Variants in RGS22 observed in about 807,000 individuals in gnomAD.
RGS22 encodes regulator of G-protein signaling 22.
RGS22 carries 148 observed loss-of-function variants against 172.9 expected under a neutral mutation model. The observed-to-expected ratio is 0.86, with a 90% CI of 0.75 to 0.98. RGS22 has a LOEUF of 0.98. Ranked by LOEUF, RGS22 falls within the 50% of genes least tolerant of loss-of-function variation. RGS22 has a pLI of 0.00. For synonymous variants in RGS22, 458 were observed against 480.2 expected (o/e 0.95, Z 0.60); for missense variants, 1,347 against 1,440.8 (o/e 0.93, Z 1.05).
intron 20 of RGS22, among the ~76,000 whole-genome samples, chr8:99,993,774 C>T (rs757292886): frequency 6.6e-6 from 1 of 152,142 alleles, no homozygotes; most frequent in Non-Finnish European, 1.5e-5. Flanking sequence ...ATGAGGCCAA[C>T]GTCATCCTGA....
At chr8:99,980,496 G>A (rs1812435840) in intron 22 of RGS22, among the ~76,000 whole-genome samples, 2 of 152,180 alleles carry the variant, frequency 1.3e-5, no homozygotes, top group African/African-American at 4.8e-5. Flanking sequence ...GGGAAGACAT[G>A]GAGATGGCCA....
chr8:99,974,104 T>C (rs748245507), intron 23 of RGS22, among the ~76,000 whole-genome samples: 1 of 152,180 alleles, frequency 6.6e-6, no homozygotes, highest in Non-Finnish European at 1.5e-5. Flanking sequence ...ATAGAATAAT[T>C]TGTATCTTTT....
chr8:100,006,572 G>C (rs1272807858), intron 15 of RGS22, among the ~76,000 whole-genome samples: 1 of 152,140 alleles, frequency 6.6e-6, no homozygotes, highest in African/African-American at 2.4e-5. Context: ...CCTCATAGCA[G>C]GTCTCTGTCT....
chr8:99,963,722 C>T (rs114519656), intron 24 of RGS22, among the ~76,000 whole-genome samples: 1,770 of 152,112 alleles, frequency 0.012, 44 homozygotes, highest in African/African-American at 0.041. Context: ...AGAGATGATT[C>T]GAAGTATATG....
chr8:99,965,155 G>A (rs1016877538), intron 24 of RGS22, among the ~76,000 whole-genome samples, 180 bp downstream of exon 24: 1 of 151,958 alleles, frequency 6.6e-6, no homozygotes, highest in African/African-American at 2.4e-5. Context: ...AAACTATCTG[G>A]GATTGGCTGA....
intron 10 of RGS22, among the ~76,000 whole-genome samples, chr8:100,049,330 A>G (rs1177585553): frequency 1.3e-5 from 2 of 152,208 alleles, no homozygotes; most frequent in African/African-American, 4.8e-5. Flanking sequence ...GAAAAATAAA[A>G]TGGAATTGAG....
chr8:100,054,569 G>A (rs1235960746), intron 9 of RGS22: 2 of 153,388 alleles, frequency 1.3e-5, no homozygotes, highest in African/African-American at 4.8e-5. Context: ...AATCCAGCCT[G>A]ACTGACAAAG....
At chr8:100,060,811 A>G (rs1563684882) in intron 9 of RGS22, among the ~76,000 whole-genome samples, 1 of 152,160 alleles carries the variant, frequency 6.6e-6, no homozygotes, top group African/African-American at 2.4e-5. Context: ...AGAACTAGAA[A>G]AAACTATTTT....
chr8:100,065,110 A>G (rs1211398650), intron 7 of RGS22, among the ~76,000 whole-genome samples: 2 of 152,346 alleles, frequency 1.3e-5, no homozygotes, highest in East Asian at 1.9e-4. Flanking sequence ...CCCATTCTCA[A>G]TGACCATTTT....
chr8:100,012,103 A>AT (rs1461372291), intron 14 of RGS22, among the ~76,000 whole-genome samples: 2 of 151,592 alleles, frequency 1.3e-5, no homozygotes, highest in Admixed American at 6.6e-5. Context: ...TATATATTAT[A>AT]TATATATATG....
intron 2 of RGS22, among the ~76,000 whole-genome samples, chr8:100,094,995 C>A (rs921701173): frequency 6.6e-6 from 1 of 152,180 alleles, no homozygotes; most frequent in African/African-American, 2.4e-5. Context: ...CTAAAGTATA[C>A]ATTTCATTTT....
chr8:100,103,131 G>T (rs190754527), intron 2 of RGS22, among the ~76,000 whole-genome samples: 81 of 152,320 alleles, frequency 5.3e-4, no homozygotes, highest in Admixed American at 4.4e-3. Flanking sequence ...GATAGCCAGG[G>T]TAAGAGTGAT....
At chr8:100,013,242 G>A (rs1228559655) in intron 14 of RGS22, among the ~76,000 whole-genome samples, 1 of 152,030 alleles carries the variant, frequency 6.6e-6, no homozygotes, top group East Asian at 1.9e-4. Context: ...GCCCGCCTCG[G>A]CCTCCCAAAG....
intron 22 of RGS22, among the ~76,000 whole-genome samples, chr8:99,981,515 T>G (rs911730747): frequency 6.6e-6 from 1 of 152,204 alleles, no homozygotes; most frequent in African/African-American, 2.4e-5. Flanking sequence ...AGCCAAAAGG[T>G]AATATTTAAT....
At chr8:99,962,181 G>A (rs1810272655) in intron 27 of RGS22, among the ~76,000 whole-genome samples, 1 of 152,092 alleles carries the variant, frequency 6.6e-6, no homozygotes, top group South Asian at 2.1e-4. Context: ...CAGACAAGGA[G>A]TAAATAAAAG....
chr8:100,083,131 T>C (rs1037708439), intron 3 of RGS22, among the ~76,000 whole-genome samples: 2 of 152,194 alleles, frequency 1.3e-5, no homozygotes, highest in African/African-American at 4.8e-5. Flanking sequence ...TTTAGAAAGG[T>C]TCTGGAGCAG....
rs1469179749 is a variant in RGS22, at chr8:100,072,123, TA to T, written c.425+21del. On this transcript the variant is annotated intron_variant, in intron 5 of 27. Transcript: ENST00000360863. ...TAATATATATGTATTTAAAAATACA[TA>T]TATTGATGGGACTATAGTACCTGTA... The T allele has an allele frequency of 3.0e-5, 42 of 1,395,872 alleles. No individual in the cohort carries two copies. In the Admixed American group the frequency reaches 8.1e-4, roughly 27 times the overall value. The allele number at this position is 1,395,872 out of a possible 1,614,324, so 86.5% of individuals were successfully genotyped here. A position where few individuals can be genotyped will look rare whatever the true frequency, so the allele number is the denominator to read the frequency against.
At chr8:100,066,404 T>A in intron 6 of RGS22, 108 bp from the exon 7 acceptor site, 1 of 808,926 alleles carries the variant, frequency 1.2e-6, no homozygotes, top group Non-Finnish European at 1.8e-6. Context: ...GTACAATATG[T>A]AAAGTGAAAA....
intron 9 of RGS22, among the ~76,000 whole-genome samples, chr8:100,053,239 T>C (rs1821873328): frequency 6.6e-6 from 1 of 152,086 alleles, no homozygotes; most frequent in Non-Finnish European, 1.5e-5. Context: ...TTCAAATTAT[T>C]AGCTGCTTGA....
Sources: allele counts gnomAD v4.1 joint callset (sites outside exome capture counted in the v4.1 genomes callset), GRCh38; gene constraint gnomAD v4.1.1; transcripts MANE v1.5; gene names NCBI Gene and HGNC (gene_info 2026-07-23, HGNC 2026-07-21).